ZNF782: variants seen among roughly 807,000 people sequenced by gnomAD.
The protein encoded by ZNF782 is zinc finger protein 782.
Under a neutral mutation model 13.0 loss-of-function variants are expected in ZNF782, and 12 were observed. That is an observed-to-expected ratio of 0.92 (90% CI 0.59 to 1.50). The LOEUF (loss-of-function observed/expected upper bound fraction) is 1.50, where lower values mean the gene tolerates loss of function less well. ZNF782 is among the 40% of genes most tolerant of loss of function. ZNF782 has a pLI of 0.00. For missense variants in ZNF782, 770 were observed against 822.9 expected, an observed-to-expected ratio of 0.94 and a Z score of 0.79; for synonymous variants, 284 against 283.0, an observed-to-expected ratio of 1.00 and a Z score of -0.04.
At chr9:96,846,073 C>G (rs1199178955) in intron 3 of ZNF782, among the ~76,000 whole-genome samples, 1 of 152,188 alleles carries the variant, frequency 6.6e-6, no homozygotes, top group Non-Finnish European at 1.5e-5. Flanking sequence ...GAGTACCTGT[C>G]AGCTAAGGAT....
At chr9:96,905,089 C>G in the ZNF782 span, among the ~76,000 whole-genome samples, 1 of 147,396 alleles carries the variant, frequency 6.8e-6, no homozygotes, top group Non-Finnish European at 1.5e-5. Context: ...GCAACTCCAT[C>G]TTGAATAGGA....
chr9:96,843,661 T>C (rs1472439773), intron 4 of ZNF782, among the ~76,000 whole-genome samples: 1 of 152,212 alleles, frequency 6.6e-6, no homozygotes, highest in Non-Finnish European at 1.5e-5. Context: ...ACACACATTG[T>C]ACCAGTGTCT....
chr9:96,900,741 C>CAAACA, the ZNF782 span, among the ~76,000 whole-genome samples: 197 of 152,210 alleles, frequency 1.3e-3, no homozygotes, highest in Middle Eastern at 3.4e-3. Flanking sequence ...AACTCTGTCT[C>CAAACA]AAACAAAACA....
intron 4 of ZNF782, 22 bp downstream of exon 4, chr9:96,844,868 C>A: frequency 6.2e-7 from 1 of 1,613,722 alleles, no homozygotes; most frequent in Non-Finnish European, 8.5e-7. Context: ...CTGGAGGGAA[C>A]CCCATGGTAA....
chr9:96,864,033 G>A (rs574660123), intron 1 of ZNF782, among the ~76,000 whole-genome samples: 1 of 150,450 alleles, frequency 6.6e-6, no homozygotes, highest in Admixed American at 6.6e-5. Flanking sequence ...ACCATTATTG[G>A]TAAACAAATA....
At chr9:96,897,494 T>C in the ZNF782 span, among the ~76,000 whole-genome samples, 19 of 152,210 alleles carry the variant, frequency 1.2e-4, no homozygotes, top group African/African-American at 4.6e-4. Context: ...CTGCATTATG[T>C]TCTGGGCTGT....
chr9:96,839,948 G>A (rs1851137366), intron 4 of ZNF782, among the ~76,000 whole-genome samples: 1 of 152,048 alleles, frequency 6.6e-6, no homozygotes, highest in South Asian at 2.1e-4. Flanking sequence ...ATATTCTATT[G>A]CTCTTACAAA....
chr9:96,830,401 T>C (rs1157074010), intron 4 of ZNF782, among the ~76,000 whole-genome samples: 4 of 152,028 alleles, frequency 2.6e-5, no homozygotes, highest in African/African-American at 7.2e-5. Context: ...AGAAGCCCCA[T>C]GGGGAGCAGT....
the ZNF782 span, among the ~76,000 whole-genome samples, chr9:96,899,519 T>C: frequency 0.034 from 5,151 of 152,326 alleles, 296 homozygotes; most frequent in African/African-American, 0.12. Flanking sequence ...CTGTTACTTA[T>C]ATCAGAATAC....
chr9:96,931,917 G>A, the ZNF782 span: 39 of 1,611,956 alleles, frequency 2.4e-5, no homozygotes, highest in African/African-American at 4.0e-5. Context: ...CAGGATGGCC[G>A]CGGCCCAAGT....
chr9:96,844,938 G>C lies in ZNF782; in HGVS notation c.94C>G (p.Leu32Val), dbSNP rs752016608. Residue 32 changes from leucine (L) to valine (V), a missense_variant, in exon 4 of 6, where the codon CTG (leucine) becomes GTG (valine). Physicochemically the swap from Leu to Val is conservative, Grantham distance 32. Coordinates refer to ENST00000481138, the MANE Select transcript of ZNF782 (RefSeq NM_001001662.3). ...TTCTCCAGCATCACATCTCTGTACAGGGTCCTCTCAACAGGGCCCATGTGC... is the reference window on the plus strand; with the variant it reads ...TTCTCCAGCATCACATCTCTGTACACGGTCCTCTCAACAGGGCCCATGTGC... ...WQHMGPVERT[L>V]YRDVMLENYS... is the part of the protein sequence containing the mutation. 4 of 1,613,972 alleles carry C rather than the reference G, an allele frequency of 2.5e-6. 1 individual carries two copies. The East Asian group carries it at 8.9e-5, about 36-fold the overall frequency.
chr9:96,894,359 A>G, the ZNF782 span: 1 of 152,094 alleles, frequency 6.6e-6, no homozygotes. Context: ...AAGAACCTCC[A>G]TGCTCAATAT....
At chr9:96,875,559 G>A (rs1412674272) in exon 1 of ZNF782, 5 of 456,610 alleles carry the variant, frequency 1.1e-5, no homozygotes, top group Non-Finnish European at 2.2e-5. Flanking sequence ...TGGCACTTTG[G>A]TCAACGTTTA....
intron 3 of ZNF782, among the ~76,000 whole-genome samples, chr9:96,849,765 C>T (rs1187986181): frequency 6.6e-6 from 1 of 152,034 alleles, no homozygotes; most frequent in Non-Finnish European, 1.5e-5. Context: ...ACAAACTAGA[C>T]ATCTGACAAA....
the ZNF782 span, among the ~76,000 whole-genome samples, chr9:96,922,156 A>C: frequency 1.3e-5 from 2 of 151,554 alleles, no homozygotes; most frequent in Non-Finnish European, 2.9e-5. Flanking sequence ...AAAATAGATT[A>C]AGTATCATCC....
At position 96,819,856 on chromosome 9, in the gene ZNF782, G is replaced by A. The variant is rs1026790838; in HGVS notation, c.245-78C>T. 9 of 1,141,708 alleles carry A rather than the reference G, an allele frequency of 7.9e-6. No individual in the cohort carries two copies. The South Asian group carries it at 1.3e-4, about 17-fold the overall frequency. The allele number at this position is 1,141,708 out of a possible 1,614,324, so 70.7% of individuals were successfully genotyped here. A position where few individuals can be genotyped will look rare whatever the true frequency, so the allele number is the denominator to read the frequency against. ...GAATGGGACATATATGTATATATATGCCCTATTATGTATTTGATTCCTTAG... is the reference window on the plus strand; with the variant it reads ...GAATGGGACATATATGTATATATATACCCTATTATGTATTTGATTCCTTAG... On this transcript the variant is annotated intron_variant, in intron 5 of 5. Transcript: ENST00000481138.
At chr9:96,919,033 T>C in the ZNF782 span, 1 of 226,004 alleles carries the variant, frequency 4.4e-6, no homozygotes, top group African/African-American at 2.3e-5. Flanking sequence ...AGATTCTTCA[T>C]AAGAAAAAAG....
At chr9:96,865,183 G>A (rs1464213466) in intron 1 of ZNF782, among the ~76,000 whole-genome samples, 1 of 152,242 alleles carries the variant, frequency 6.6e-6, no homozygotes, top group African/African-American at 2.4e-5. Flanking sequence ...CAGGGTGACA[G>A]ATGCTGAACA....
chr9:96,884,463 A>G, the ZNF782 span, among the ~76,000 whole-genome samples: 1 of 152,202 alleles, frequency 6.6e-6, no homozygotes, highest in African/African-American at 2.4e-5. Context: ...CCCTTTCCTG[A>G]TATCAACAAT....
Sources: gnomAD v4.1 joint callset for allele counts (sites outside exome capture counted in the v4.1 genomes callset) on GRCh38, gnomAD v4.1.1 for gene constraint, MANE v1.5 for transcripts, NCBI Gene and HGNC (gene_info 2026-07-23, HGNC 2026-07-21) for gene names.